DNAH10: variants seen among roughly 807,000 people sequenced by gnomAD.
DNAH10 encodes the protein axonemal beta dynein heavy chain 10.
Under a neutral mutation model 506.6 loss-of-function variants are expected in DNAH10, and 348 were observed. The ratio of observed to expected loss-of-function variants is 0.69; its 90% CI spans 0.63 to 0.75. The LOEUF is 0.75. Among genes scored for constraint, DNAH10 ranks in the 30% least tolerant of loss-of-function variants. The probability of loss-of-function intolerance (pLI) is 0.00; values close to 1 mark genes in which losing one functional copy is unlikely to be tolerated. For missense variants in DNAH10, 5,179 were observed against 5,787.1 expected (o/e 0.89, Z 3.41); for synonymous variants, 2,059 against 2,198.6 (o/e 0.94, Z 1.78).
At chr12:123,831,759 TGCCG>T (rs1960576323) in intron 26 of DNAH10, among the ~76,000 whole-genome samples, 3 of 58,388 alleles carry the variant, frequency 5.1e-5, no homozygotes, top group Admixed American at 2.9e-4. Context: ...CCGGGTGTGG[TGCCG>T]GGTGTGGTGG....
Position 123,931,830 on chromosome 12 carries a change from C to T in DNAH10, c.13111C>T (p.Leu4371=), listed in dbSNP as rs1238987779. 6.2e-7 allele frequency: 1 copy of T among 1,614,032 alleles called. No individual in the cohort carries two copies. Among genetic ancestry groups the T allele is most frequent in the Admixed American group, 1.7e-5 (1 of 60,030 alleles). ...NKLVVRMTKS[L]AELQRALAGE... is the part of the protein sequence containing the mutation. ...GCTTGTGGTCCGGATGACGAAGTCT[C>T]TGGCTGAACTTCAAAGGGTGAGCCT... Residue 4371 remains leucine (L), a synonymous_variant, in exon 75 of 79, where the codon CTG becomes TTG. Transcript: ENST00000673944.
intron 56 of DNAH10, among the ~76,000 whole-genome samples, chr12:123,901,286 C>A (rs538938276): frequency 3.9e-5 from 6 of 152,238 alleles, no homozygotes; most frequent in Admixed American, 6.5e-5. Flanking sequence ...CACCACCCCC[C>A]ACCCCCGCGC....
At chr12:123,809,608 C>T (rs1958847661) in intron 19 of DNAH10, among the ~76,000 whole-genome samples, 1 of 151,942 alleles carries the variant, frequency 6.6e-6, no homozygotes, top group Non-Finnish European at 1.5e-5. Flanking sequence ...ATGGTTGCAC[C>T]ACTGCACTCC....
chr12:123,934,946 G>A lies in DNAH10; in HGVS notation c.13623+180G>A, dbSNP rs113217643. On this transcript the variant is annotated intron_variant, in intron 78 of 78. Transcript: ENST00000673944. ...GATAGCTGCTTCCTGGAAAAGGCGC[G>A]GCTGTATGTGTGTGTGGATGCCGGT... 3,153 of 792,260 alleles carry A rather than the reference G, an allele frequency of 4.0e-3. 48 individuals carry two copies. The African/African-American group carries it at 0.043, about 11-fold the overall frequency. 49.1% of individuals were successfully genotyped at this position (792,260 alleles called of 1,614,324 possible).
chr12:123,849,028 A>T (rs1027459714), intron 34 of DNAH10, 146 bp downstream of exon 34: 4 of 1,033,110 alleles, frequency 3.9e-6, no homozygotes, highest in Non-Finnish European at 5.5e-6. Context: ...TCCAATTGAG[A>T]TGATTGGGTT....
Position 123,853,223 on chromosome 12 carries a change from G to GT in DNAH10, c.6309_6310insT (p.Thr2104TyrfsTer5). The GT allele has an allele frequency of 1.2e-6, 2 of 1,604,798 alleles. No homozygotes were observed. Among genetic ancestry groups the GT allele is most frequent in the Non-Finnish European group, 1.7e-6 (2 of 1,175,478 alleles). On this transcript the variant is annotated frameshift_variant, in exon 36 of 79. Transcript: ENST00000673944. LOFTEE classifies it high-confidence loss of function. The surrounding 1 kb of genome is among the most constrained non-coding windows in gnomAD (Gnocchi z 4.7). Reference sequence around the variant, plus strand: ...TCAAAAAGACTCTGGCGAAAAAGATGACGGTTCTGTATAAGCTGGCCCGGG... The same window carrying GT: ...TCAAAAAGACTCTGGCGAAAAAGATGTACGGTTCTGTATAAGCTGGCCCGGG...
chr12:123,858,143 C>T (rs964899577), intron 37 of DNAH10, among the ~76,000 whole-genome samples: 23 of 151,864 alleles, frequency 1.5e-4, no homozygotes, highest in Non-Finnish European at 1.5e-5. Flanking sequence ...GAGGTTCTTT[C>T]CTCACCTCAC....
Position 123,907,215 on chromosome 12 carries a change from G to A in DNAH10, c.9816-2046G>A, listed in dbSNP as rs952649571. 2.0e-5 allele frequency among the ~76,000 whole-genome samples: 3 copies of A among 152,220 alleles called. No homozygotes were observed. Among genetic ancestry groups the A allele is most frequent in the African/African-American group, 7.2e-5 (3 of 41,448 alleles). ...GATGTTGGGACCTGACCTAGTCATGGTCATGGAGGGCGGAGGGGGCACCTT... is the reference window on the plus strand; with the variant it reads ...GATGTTGGGACCTGACCTAGTCATGATCATGGAGGGCGGAGGGGGCACCTT... On this transcript the variant is annotated intron_variant, in intron 57 of 78. Coordinates refer to ENST00000673944, the MANE Select transcript of DNAH10 (RefSeq NM_001372106.1). The surrounding 1 kb of genome is among the most constrained non-coding windows in gnomAD (Gnocchi z 4.4).
In DNAH10 at chr12:123,799,336, C is replaced by T. The variant is rs1958398482; in HGVS notation, c.2254C>T (p.Leu752=). 5 of 1,611,770 alleles carry T rather than the reference C, an allele frequency of 3.1e-6. No individual in the cohort carries two copies. Among genetic ancestry groups the T allele is most frequent in the Non-Finnish European group, 4.2e-6 (5 of 1,178,460 alleles). The change falls in exon 14 of 79, where the codon CTG becomes TTG. Residue 752 remains leucine, a synonymous_variant. Coordinates refer to ENST00000673944, the MANE Select transcript of DNAH10 (RefSeq NM_001372106.1). ...EQWMEVTEQV[L]PALMKKSLLT... ...GTGGATGGAGGTGACGGAGCAGGTG[C>T]TGCCAGCTCTCATGAAGAAGAGCCT...
At chr12:123,874,581 A>G (rs1174426371) in intron 46 of DNAH10, among the ~76,000 whole-genome samples, 3 of 144,012 alleles carry the variant, frequency 2.1e-5, no homozygotes, top group African/African-American at 7.8e-5. Flanking sequence ...CCATCCACCC[A>G]TCCATCCATC....
chr12:123,827,027 C>T, intron 25 of DNAH10, 129 bp downstream of exon 25: 1 of 749,964 alleles, frequency 1.3e-6, no homozygotes, highest in South Asian at 2.0e-5. Context: ...CAGGGCTATA[C>T]ATGGGCACGA....
chr12:123,843,935 A>G (rs1950859816), intron 30 of DNAH10, among the ~76,000 whole-genome samples: 1 of 152,244 alleles, frequency 6.6e-6, no homozygotes, highest in African/African-American at 2.4e-5. Flanking sequence ...TAATGACTAT[A>G]GTAATCCGCA....
In DNAH10 at chr12:123,928,644, A is replaced by G. The variant is rs1384002266; in HGVS notation, c.12306+57A>G. 2 of 1,522,754 alleles carry G rather than the reference A, an allele frequency of 1.3e-6. No individual in the cohort carries two copies. The highest frequency in any genetic ancestry group is 1.4e-5 in the African/African-American group (1 of 72,738). 94.3% of individuals were successfully genotyped at this position (1,522,754 alleles called of 1,614,324 possible). A position where few individuals can be genotyped will look rare whatever the true frequency, so the allele number is the denominator to read the frequency against. On this transcript the variant is annotated intron_variant, in intron 70 of 78. Transcript: ENST00000673944. The surrounding 1 kb of genome is among the most constrained non-coding windows in gnomAD (Gnocchi z 4.9). ...GCACGCAGCTTCTCAGAACACCTGC[A>G]TGCTGCTCTGGGGCCGGGGTGTGCC...
rs1409089608 is a variant in DNAH10 at position 123,785,966 on chromosome 12, T to C, written c.1421+30T>C. 2 of 1,592,222 alleles carry C rather than the reference T, an allele frequency of 1.3e-6. No homozygotes were observed. The highest frequency in any genetic ancestry group is 3.4e-5 in the Admixed American group (2 of 58,028). On this transcript the variant is annotated intron_variant, in intron 9 of 78. Transcript: ENST00000673944. This position sits in a 1 kb window ranked among gnomAD's most constrained non-coding sequence, Gnocchi z 4.1. ...GAAGCCATGGCGTTCATTTTTTTGTTTTGTTTTGTTTCACTTTTTACTTTT... is the reference window on the plus strand; with the variant it reads ...GAAGCCATGGCGTTCATTTTTTTGTCTTGTTTTGTTTCACTTTTTACTTTT...
At chr12:123,775,608 G>A (rs1400705351) in intron 5 of DNAH10, among the ~76,000 whole-genome samples, 1 of 152,218 alleles carries the variant, frequency 6.6e-6, no homozygotes, top group African/African-American at 2.4e-5. Context: ...AAGGCCCTGA[G>A]GTAGAAGCAG....
rs767874854 is a variant in DNAH10, at chr12:123,804,990, C to A, written c.2937C>A (p.Tyr979Ter). The A allele has an allele frequency of 1.8e-5, 29 of 1,614,092 alleles. No homozygotes were observed. The highest frequency in any genetic ancestry group is 2.4e-5 in the Non-Finnish European group (28 of 1,180,044). ...TGKAPKLASY[Y>*]KYWEKKIYEV... The stretch of plus-strand genomic sequence containing the variant: ...AGGCCCCCAAGCTGGCCTCCTACTA[C>A]AAATACTGGGAAAAGAAAATTTATG... Residue 979 changes from tyrosine (Y) to a stop codon, truncating the protein, a stop_gained, in exon 18 of 79, where the codon TAC becomes TAA. Coordinates refer to ENST00000673944, the MANE Select transcript of DNAH10 (RefSeq NM_001372106.1). LOFTEE classifies it high-confidence loss of function.
At chr12:123,808,259 G>A (rs1489223115) in intron 18 of DNAH10, among the ~76,000 whole-genome samples, 1 of 152,084 alleles carries the variant, frequency 6.6e-6, no homozygotes, top group Non-Finnish European at 1.5e-5. Context: ...TCAAACTCCT[G>A]GGCTCAAATG....
chr12:123,781,732 C>T (rs2136021374), intron 6 of DNAH10, among the ~76,000 whole-genome samples: 1 of 152,298 alleles, frequency 6.6e-6, no homozygotes, highest in Non-Finnish European at 1.5e-5. Context: ...TCTCAGAGTG[C>T]TGGGGTTACA....
rs1204838042 is a variant in DNAH10, at chr12:123,853,330, G to C, written c.6416G>C (p.Arg2139Thr). 6.2e-7 allele frequency: 1 copy of C among 1,612,126 alleles called. No homozygotes were observed. Among genetic ancestry groups the C allele is most frequent in the Admixed American group, 1.7e-5 (1 of 59,804 alleles). The part of the protein sequence containing the change: ...SVLVMAGELK[R>T]GSSDLREDVV... ...CTGGTCATGGCTGGTGAGCTGAAGA[G>C]AGGCTCCTCTGACCTTAGGGAGGTA... Residue 2139 changes from arginine to threonine, a missense_variant, in exon 36 of 79, where the codon AGA (arginine) becomes ACA (threonine). Around this residue, in one of 3 missense-constraint regions of DNAH10, gnomAD observed 4,844 missense variants for 5,430.5 expected, o/e 0.89. Transcript: ENST00000673944. The surrounding 1 kb of genome is among the most constrained non-coding windows in gnomAD (Gnocchi z 4.7).
Sources: gnomAD v4.1 joint callset for allele counts (sites outside exome capture counted in the v4.1 genomes callset) on GRCh38, gnomAD v4.1.1 for gene constraint, gnomAD v4.1.1 regional missense constraint, Gnocchi (gnomAD v3.1) non-coding constraint, MANE v1.5 for transcripts, NCBI Gene and HGNC (gene_info 2026-07-23, HGNC 2026-07-21) for gene names.